The following DGKI variants were observed in gnomAD, a reference collection of about 807,000 sequenced individuals.
DGKI encodes diacylglycerol kinase iota, also known as DAG kinase iota.
Under a neutral mutation model 147.5 loss-of-function variants are expected in DGKI, and 55 were observed. The observed-to-expected ratio is 0.37, with a 90% CI of 0.30 to 0.47. The LOEUF (loss-of-function observed/expected upper bound fraction) is 0.47, where lower values mean the gene tolerates loss of function less well. DGKI is among the 20% of genes least tolerant of loss of function. The pLI, the probability that DGKI is intolerant of heterozygous loss-of-function variation, is 1.00. For synonymous variants in DGKI, 469 were observed against 477.1 expected, an observed-to-expected ratio of 0.98 and a Z score of 0.22; for missense variants, 1,007 against 1,323.8, an observed-to-expected ratio of 0.76 and a Z score of 3.71.
At chr7:137,679,404 G>GTT (rs71652786) in intron 2 of DGKI, among the ~76,000 whole-genome samples, 2 of 127,548 alleles carry the variant, frequency 1.6e-5, no homozygotes, top group African/African-American at 2.9e-5. Flanking sequence ...GAAGCAAACT[G>GTT]TTTTTTTTTT....
chr7:137,698,201 G>A (rs1477115087), intron 1 of DGKI, among the ~76,000 whole-genome samples: 1 of 151,350 alleles, frequency 6.6e-6, no homozygotes, highest in Non-Finnish European at 1.5e-5. Context: ...TCCATATCCT[G>A]GAAAATACCT....
At chr7:137,704,482 A>G (rs1276972742) in intron 1 of DGKI, among the ~76,000 whole-genome samples, 1 of 152,178 alleles carries the variant, frequency 6.6e-6, no homozygotes, top group African/African-American at 2.4e-5. Context: ...CAGGAAAAAA[A>G]AGGGGATGAA....
chr7:137,506,027 G>A (rs1052633391), intron 21 of DGKI, among the ~76,000 whole-genome samples: 1 of 152,150 alleles, frequency 6.6e-6, no homozygotes, highest in Non-Finnish European at 1.5e-5. Context: ...AAACAGCACA[G>A]CCACGTTGAA....
intron 31 of DGKI, chr7:137,395,904 T>C (rs1447797042): frequency 1.9e-6 from 1 of 532,744 alleles, no homozygotes; most frequent in Non-Finnish European, 3.4e-6. Context: ...TATCTGACTC[T>C]AGCCCCCTTT....
intron 23 of DGKI, 102 bp from the exon 24 acceptor site, chr7:137,469,721 G>A: frequency 2.1e-6 from 2 of 968,116 alleles, no homozygotes. Context: ...GCACTGGTGA[G>A]AAGAGCAAAT....
intron 1 of DGKI, among the ~76,000 whole-genome samples, chr7:137,825,419 C>T (rs2117049182): frequency 6.6e-6 from 1 of 152,204 alleles, no homozygotes; most frequent in South Asian, 2.1e-4. Context: ...CAATATCTTG[C>T]ATGGCTGTAG....
At chr7:137,586,992 C>G in intron 13 of DGKI, 105 bp downstream of exon 13, 1 of 831,406 alleles carries the variant, frequency 1.2e-6, no homozygotes. Flanking sequence ...TAACTTATGC[C>G]TGGGACAGCA....
rs1811100604 is a variant in DGKI at position 137,383,231 on chromosome 7, C to T, written c.*7989G>A. On this transcript the variant is annotated 3_prime_UTR_variant, in exon 33 of 33. Transcript: ENST00000614521. ...AATTGGCTAACAATTGGCAAAATTG[C>T]TAGCCAATTTCCAAATCTCCTAAAT... is the stretch of plus-strand genomic sequence containing the variant. 1 of 150,186 alleles carries T rather than the reference C, an allele frequency of 6.7e-6. No individual in the cohort carries two copies. The highest frequency in any genetic ancestry group is 2.1e-4 in the South Asian group (1 of 4,738). The allele number at this position is 150,186 out of a possible 1,614,324, so 9.3% of individuals were successfully genotyped here. A position where few individuals can be genotyped will look rare whatever the true frequency, so the allele number is the denominator to read the frequency against.
chr7:137,820,477 G>C (rs73446733), intron 1 of DGKI, among the ~76,000 whole-genome samples: 2 of 152,196 alleles, frequency 1.3e-5, no homozygotes, highest in South Asian at 4.1e-4. Flanking sequence ...GCAGAGAAGC[G>C]CAGCTGGTGG....
Position 137,571,240 on chromosome 7 carries a change from C to A in DGKI, c.1882G>T (p.Asp628Tyr), listed in dbSNP as rs1400029308. Residue 628 changes from aspartate to tyrosine, a missense_variant, in exon 19 of 33, where the codon GAT becomes TAT. By Grantham distance (160) the Asp-to-Tyr change is radical. Coordinates refer to ENST00000614521, the MANE Select transcript of DGKI (RefSeq NM_001321708.2). The part of the protein sequence containing the change: ...MPWGNPGDHH[D>Y]FEPQRHDDGY... ...TCATCATGACGCTGAGGTTCGAAAT[C>A]ATGGTGATCACCTGGGTTTCCCCAG... 2 of 1,613,168 alleles carry A rather than the reference C, an allele frequency of 1.2e-6. No homozygotes were observed. Among genetic ancestry groups the A allele is most frequent in the Non-Finnish European group, 1.7e-6 (2 of 1,179,894 alleles).
chr7:137,607,922 A>G (rs1432487489), intron 10 of DGKI, among the ~76,000 whole-genome samples: 1 of 152,200 alleles, frequency 6.6e-6, no homozygotes, highest in Non-Finnish European at 1.5e-5. Flanking sequence ...GTTAATACAC[A>G]TTTTTACCAT....
intron 3 of DGKI, among the ~76,000 whole-genome samples, chr7:137,661,587 C>A (rs1822435325): frequency 6.6e-6 from 1 of 152,266 alleles, no homozygotes; most frequent in South Asian, 2.1e-4. Context: ...CCCATGGTTT[C>A]TCTACCCCTT....
intron 30 of DGKI, among the ~76,000 whole-genome samples, chr7:137,405,659 T>A (rs563589716): frequency 1.1e-4 from 17 of 152,124 alleles, no homozygotes; most frequent in Non-Finnish European, 1.8e-4. Flanking sequence ...TTTTAGCCAA[T>A]AGAATGCAGT....
At chr7:137,451,849 T>C (rs1428805594) in intron 27 of DGKI, among the ~76,000 whole-genome samples, 2 of 152,190 alleles carry the variant, frequency 1.3e-5, no homozygotes, top group Non-Finnish European at 2.9e-5. Flanking sequence ...TTAGACTCTA[T>C]GCATATTTTG....
intron 27 of DGKI, among the ~76,000 whole-genome samples, chr7:137,450,814 G>T (rs775939166): frequency 5.0e-4 from 75 of 150,294 alleles, no homozygotes; most frequent in Non-Finnish European, 8.3e-4. Flanking sequence ...TTTTACTTTG[G>T]ATTTACTCTT....
intron 20 of DGKI, chr7:137,546,033 G>C (rs1480896993): frequency 1.5e-6 from 1 of 650,364 alleles, no homozygotes; most frequent in Non-Finnish European, 2.8e-6. Context: ...AACAAGCCAG[G>C]GGAGAGAAAG....
chr7:137,464,301 A>AAGT (rs1203311889), intron 26 of DGKI, among the ~76,000 whole-genome samples: 3 of 151,366 alleles, frequency 2.0e-5, no homozygotes, highest in African/African-American at 4.9e-5. Context: ...GAAAATGACC[A>AAGT]AGTGAGCAAA....
At chr7:137,483,499 T>C (rs1343786968) in intron 23 of DGKI, among the ~76,000 whole-genome samples, 4 of 152,118 alleles carry the variant, frequency 2.6e-5, no homozygotes, top group Admixed American at 6.6e-5. Flanking sequence ...GTTTGTTACA[T>C]AGGTAAACAT....
At chr7:137,819,704 A>C (rs1346592455) in intron 1 of DGKI, among the ~76,000 whole-genome samples, 2 of 152,174 alleles carry the variant, frequency 1.3e-5, no homozygotes, top group Non-Finnish European at 2.9e-5. Flanking sequence ...ACAACTCCCC[A>C]TCCCCAAGAA....
Sources: allele counts gnomAD v4.1 joint callset (sites outside exome capture counted in the v4.1 genomes callset), GRCh38; gene constraint gnomAD v4.1.1; transcripts MANE v1.5; gene names NCBI Gene and HGNC (gene_info 2026-07-23, HGNC 2026-07-21).